The following EVC variants were observed in gnomAD, a reference collection of about 807,000 sequenced individuals.
The protein encoded by EVC is EvC ciliary complex subunit 1.
EVC carries 116 observed loss-of-function variants against 118.9 expected under a neutral mutation model. The observed-to-expected ratio is 0.98, with a 90% CI of 0.84 to 1.14. The LOEUF (loss-of-function observed/expected upper bound fraction) is 1.14. EVC is among the 50% of genes most tolerant of loss of function. The pLI is 0.00. For synonymous variants in EVC, 619 were observed against 534.7 expected, an observed-to-expected ratio of 1.16 and a Z score of -2.18; for missense variants, 1,401 against 1,246.4, an observed-to-expected ratio of 1.12 and a Z score of -1.87.
chr4:5,729,045 T>TATCC (rs1334274019), intron 2 of EVC, among the ~76,000 whole-genome samples: 2 of 152,102 alleles, frequency 1.3e-5, no homozygotes, highest in African/African-American at 4.8e-5. Flanking sequence ...TCTGTCTACC[T>TATCC]ATCCATCCAT....
Position 5,731,515 on chromosome 4 carries a change from A to T in EVC, c.475A>T (p.Ser159Cys). 2 of 1,614,118 alleles carry T rather than the reference A, an allele frequency of 1.2e-6. No homozygotes were observed. The highest frequency in any genetic ancestry group is 1.7e-6 in the Non-Finnish European group (2 of 1,180,014). The change falls in exon 4 of 21, where the codon AGC becomes TGC. Residue 159 changes from serine (S) to cysteine (C), a missense_variant. Physicochemically the swap from Ser to Cys is moderately radical, Grantham distance 112. Coordinates refer to ENST00000264956, the MANE Select transcript of EVC (RefSeq NM_153717.3). The surrounding 1 kb of genome is among the most constrained non-coding windows in gnomAD (Gnocchi z 5.6). The part of the protein sequence containing the change: ...PHQPVEASPS[S>C]SLGSLSQGEK... Reference sequence around the variant, plus strand: ...CCAGCCGGTAGAGGCCTCTCCTTCCAGCAGTCTGGGGAGCCTGAGCCAGGG... The same window carrying T: ...CCAGCCGGTAGAGGCCTCTCCTTCCTGCAGTCTGGGGAGCCTGAGCCAGGG...
At position 5,719,183 on chromosome 4, in the gene EVC, A is replaced by T; in HGVS notation, c.175-65A>T. 1.9e-6 allele frequency: 3 copies of T among 1,609,980 alleles called. No individual in the cohort carries two copies. Among genetic ancestry groups the T allele is most frequent in the Non-Finnish European group, 2.5e-6 (3 of 1,177,250 alleles). ...TTGACTGGCAAAAGTCACGGTGGGG[A>T]CCAGGCCGACTGACCTCAATGTTGT... is the stretch of plus-strand genomic sequence containing the variant. On this transcript the variant is annotated intron_variant, in intron 1 of 20. Transcript: ENST00000264956. This position sits in a 1 kb window ranked among gnomAD's most constrained non-coding sequence, Gnocchi z 4.7.
At position 5,729,382 on chromosome 4, in the gene EVC, A is replaced by C; in HGVS notation, c.376A>C (p.Lys126Gln). 1 of 1,614,030 alleles carries C rather than the reference A, an allele frequency of 6.2e-7. No individual in the cohort carries two copies. The highest frequency in any genetic ancestry group is 8.5e-7 in the Non-Finnish European group (1 of 1,179,970). Residue 126 changes from lysine (K) to glutamine (Q), a missense_variant, in exon 3 of 21, where the codon AAG becomes CAG. Physicochemically the swap from Lys to Gln is moderately conservative, Grantham distance 53. Transcript: ENST00000264956. ...CAAAGTCATCTACCCCATCAATCAG[A>C]AGTTCCGGGTGAGAGTCCTGAGCTC... ...KAKVIYPINQKFRPLADGSSN... is the reference protein window; with the variant it reads ...KAKVIYPINQQFRPLADGSSN...
downstream of EVC, among the ~76,000 whole-genome samples, chr4:5,817,259 G>C (rs535703901): frequency 6.6e-6 from 1 of 152,190 alleles, no homozygotes; most frequent in African/African-American, 2.4e-5. Flanking sequence ...TTCCTGCACC[G>C]TGTCGGGGCT....
chr4:5,792,628 T>A (rs1713002529), intron 12 of EVC, among the ~76,000 whole-genome samples: 1 of 152,206 alleles, frequency 6.6e-6, no homozygotes, highest in Admixed American at 6.5e-5. Flanking sequence ...CGCTCCTACA[T>A]CGAATTTTAT....
In EVC at chr4:5,797,073, C is replaced by G; in HGVS notation, c.1938C>G (p.Leu646=). The change falls in exon 14 of 21, where the codon CTC becomes CTG. Residue 646 remains leucine, a synonymous_variant. Transcript: ENST00000264956. The part of the protein sequence containing the change: ...QGHDLLLRSA[L]RRLALRGNAL... ...ATGACCTGCTGTTGCGCTCAGCCCT[C>G]CGGAGGCTGGCACTCCGCGGCAACG... 6.2e-7 allele frequency: 1 copy of G among 1,613,526 alleles called. No individual in the cohort carries two copies. Among genetic ancestry groups the G allele is most frequent in the Non-Finnish European group, 8.5e-7 (1 of 1,180,012 alleles).
the EVC span, chr4:5,821,889 T>C: frequency 6.4e-7 from 1 of 1,554,276 alleles, no homozygotes; most frequent in Non-Finnish European, 8.7e-7. The surrounding 1 kb of genome is among the most constrained non-coding windows in gnomAD (Gnocchi z 4.4). Flanking sequence ...ATGGGATCTG[T>C]TAGCATCAGT....
chr4:5,794,347 A>ATATATTTATATATATATT (rs1560420176), intron 13 of EVC, among the ~76,000 whole-genome samples: 9 of 130,690 alleles, frequency 6.9e-5, no homozygotes, highest in Non-Finnish European at 1.3e-4. Context: ...ATATACTTAT[A>ATATATTTATATATATATT]TATATATTTA....
chr4:5,762,712 G>C (rs1732266481), intron 11 of EVC, among the ~76,000 whole-genome samples: 1 of 136,726 alleles, frequency 7.3e-6, no homozygotes, highest in South Asian at 2.5e-4. Flanking sequence ...TTTGAGAAGT[G>C]TCTGTTCATG....
In EVC at chr4:5,711,437, C is replaced by G; in HGVS notation, c.57C>G (p.Asp19Glu). ...ACGCGCGGCTGCTGCTGGGGCGGGA[C>G]GCGCTGCGGCCGGCGCCCGCCCTGC... is the stretch of plus-strand genomic sequence containing the variant. ...KSDARLLLGR[D>E]ALRPAPALLA... The change falls in exon 1 of 21, where the codon GAC becomes GAG. Residue 19 changes from aspartate (D) to glutamate (E), a missense_variant. Coordinates refer to ENST00000264956, the MANE Select transcript of EVC (RefSeq NM_153717.3). 2 of 1,023,110 alleles carry G rather than the reference C, an allele frequency of 2.0e-6. No individual in the cohort carries two copies. Among genetic ancestry groups the G allele is most frequent in the Non-Finnish European group, 2.3e-6 (2 of 857,616 alleles). 63.4% of individuals were successfully genotyped at this position (1,023,110 alleles called of 1,614,324 possible). A position where few individuals can be genotyped will look rare whatever the true frequency, so the allele number is the denominator to read the frequency against.
At chr4:5,779,293 CTT>C (rs1403276227) in intron 11 of EVC, among the ~76,000 whole-genome samples, 1 of 152,188 alleles carries the variant, frequency 6.6e-6, no homozygotes, top group African/African-American at 2.4e-5. Flanking sequence ...CAGCTTTGTT[CTT>C]TTGGCTTAGG....
the EVC span, chr4:5,825,678 AGT>A: frequency 1.9e-6 from 3 of 1,611,120 alleles, no homozygotes; most frequent in South Asian, 2.2e-5. The surrounding 1 kb of genome is among the most constrained non-coding windows in gnomAD (Gnocchi z 4.4). Flanking sequence ...AGGAAGGGAG[AGT>A]GTGATTGATC....
At chr4:5,772,148 G>C (rs988531411) in intron 11 of EVC, among the ~76,000 whole-genome samples, 2 of 152,060 alleles carry the variant, frequency 1.3e-5, no homozygotes, top group Admixed American at 6.6e-5. Flanking sequence ...CGCCCGCCTC[G>C]GCATCCCACA....
chr4:5,755,381 C>T lies in EVC; in HGVS notation c.1465-883C>T, dbSNP rs184833146. On this transcript the variant is annotated intron_variant, in intron 10 of 20. Coordinates refer to ENST00000264956, the MANE Select transcript of EVC (RefSeq NM_153717.3). The surrounding 1 kb of genome is among the most constrained non-coding windows in gnomAD (Gnocchi z 4.1). ...GCAGGGAAGGGTGAATGAGCGCATG[C>T]GTGCCTGAATGAACCAGGACATGGA... is the stretch of plus-strand genomic sequence containing the variant. Among the ~76,000 whole-genome samples, 10 of 152,106 alleles carry T rather than the reference C, an allele frequency of 6.6e-5. No homozygotes were observed. The South Asian group carries it at 8.3e-4, about 13-fold the overall frequency.
chr4:5,763,463 T>C (rs1732388065), intron 11 of EVC, among the ~76,000 whole-genome samples: 1 of 146,714 alleles, frequency 6.8e-6, no homozygotes, highest in African/African-American at 2.6e-5. Context: ...TTGATGGGGA[T>C]GGCATTGAGT....
chr4:5,810,882 G>C (rs1465401748), intron 20 of EVC, 71 bp from the exon 21 acceptor site: 4 of 1,367,214 alleles, frequency 2.9e-6, no homozygotes, highest in Non-Finnish European at 4.1e-6. Context: ...TAATCCGATT[G>C]GGTAAGTTAT....
chr4:5,828,385 GGC>G, the EVC span: 57 of 1,466,892 alleles, frequency 3.9e-5, no homozygotes, highest in South Asian at 5.8e-5. Flanking sequence ...AGGTTCCCAG[GGC>G]GATGACATTA....
At chr4:5,779,424 C>T (rs1285640831) in intron 11 of EVC, among the ~76,000 whole-genome samples, 2 of 148,956 alleles carry the variant, frequency 1.3e-5, no homozygotes, top group Non-Finnish European at 3.0e-5. Context: ...CTATAAATTA[C>T]CTTGGGCAGT....
intron 16 of EVC, among the ~76,000 whole-genome samples, chr4:5,802,707 C>T (rs1356095032): frequency 6.6e-6 from 1 of 152,170 alleles, no homozygotes; most frequent in Non-Finnish European, 1.5e-5. Flanking sequence ...AGGGTTCACG[C>T]TCCTATGAGA....
Sources: gnomAD v4.1 joint callset for allele counts (sites outside exome capture counted in the v4.1 genomes callset) on GRCh38, gnomAD v4.1.1 for gene constraint, Gnocchi (gnomAD v3.1) non-coding constraint, MANE v1.5 for transcripts, NCBI Gene and HGNC (gene_info 2026-07-23, HGNC 2026-07-21) for gene names.